The following MYOM2 variants were observed in gnomAD, a reference collection of about 807,000 sequenced individuals.
MYOM2 encodes the protein myomesin 2.
In MYOM2, 254 loss-of-function variants were observed where a neutral mutation model predicts 187.6. The observed-to-expected ratio is 1.35, with a 90% confidence interval of 1.22 to 1.50. The LOEUF is 1.50. Ranked by LOEUF, MYOM2 falls within the 40% of genes most tolerant of loss-of-function variation. The pLI, the probability that MYOM2 is intolerant of heterozygous loss-of-function variation, is 0.00. For synonymous variants in MYOM2, 981 were observed against 753.8 expected (o/e 1.30, Z -4.94); for missense variants, 2,796 against 1,924.0 (o/e 1.45, Z -8.48).
intron 32 of MYOM2, among the ~76,000 whole-genome samples, chr8:2,130,189 G>A (rs1002328363): frequency 7.1e-6 from 1 of 140,972 alleles, no homozygotes; most frequent in East Asian, 2.2e-4. Flanking sequence ...TACCCAGGGC[G>A]CCCACACCCC....
At chr8:2,142,897 A>G (rs934569161) in intron 35 of MYOM2, among the ~76,000 whole-genome samples, 11 of 151,620 alleles carry the variant, frequency 7.3e-5, no homozygotes, top group African/African-American at 2.2e-4. Flanking sequence ...CTGGGATTAC[A>G]GGCACCCGCC....
At chr8:2,115,656 C>T (rs1797214999) in intron 25 of MYOM2, among the ~76,000 whole-genome samples, 1 of 152,182 alleles carries the variant, frequency 6.6e-6, no homozygotes, top group African/African-American at 2.4e-5. Flanking sequence ...TTATTTTCTC[C>T]TGTGAATTTT....
intron 13 of MYOM2, 182 bp from the exon 14 acceptor site, chr8:2,085,081 G>A: frequency 1.5e-6 from 1 of 651,464 alleles, no homozygotes; most frequent in South Asian, 2.0e-5. Context: ...CTAACTGGCT[G>A]ATCTTTATTG....
chr8:2,083,190 A>G (rs538052229), intron 13 of MYOM2, among the ~76,000 whole-genome samples: 1 of 152,356 alleles, frequency 6.6e-6, no homozygotes, highest in South Asian at 2.1e-4. Flanking sequence ...GTGTTTATAT[A>G]TCTCTCACTG....
intron 2 of MYOM2, among the ~76,000 whole-genome samples, chr8:2,051,672 G>T (rs1433800426): frequency 6.6e-6 from 1 of 152,240 alleles, no homozygotes; most frequent in Non-Finnish European, 1.5e-5. Context: ...ATCCTGGCGT[G>T]GAGCCAGAAA....
chr8:2,057,647 A>G lies in MYOM2; in HGVS notation c.427A>G (p.Arg143Gly). ...GATGGAGGACAAGCTGGCCTGGGAG[A>G]GACACACATTTGAAGAGCGGATAAG... ...QMMEDKLAWE[R>G]HTFEERISRA... The change falls in exon 5 of 37, where the codon AGA becomes GGA. Residue 143 changes from arginine to glycine, a missense_variant. Arg to Gly is a moderately radical substitution (Grantham distance 125). Coordinates refer to ENST00000262113, the MANE Select transcript of MYOM2 (RefSeq NM_003970.4). 6.2e-7 allele frequency: 1 copy of G among 1,614,024 alleles called. No homozygotes were observed. The highest frequency in any genetic ancestry group is 1.3e-5 in the African/African-American group (1 of 74,996).
chr8:2,124,492 A>G (rs999206012), intron 31 of MYOM2, among the ~76,000 whole-genome samples: 19 of 152,240 alleles, frequency 1.2e-4, no homozygotes, highest in Admixed American at 1.2e-3. Flanking sequence ...GTTAATTGGC[A>G]TGACTGCTTT....
intron 2 of MYOM2, among the ~76,000 whole-genome samples, chr8:2,051,117 C>G (rs1309734471): frequency 6.6e-6 from 1 of 152,034 alleles, no homozygotes; most frequent in Non-Finnish European, 1.5e-5. Flanking sequence ...GGCAGGAAGT[C>G]CTTTGTATGA....
At chr8:2,112,925 C>T (rs762993770) in intron 25 of MYOM2, among the ~76,000 whole-genome samples, 2 of 152,214 alleles carry the variant, frequency 1.3e-5, no homozygotes, top group African/African-American at 2.4e-5. Context: ...GCTACGCCTG[C>T]CTCATTTGCC....
chr8:2,128,337 C>A (rs1387868307), intron 31 of MYOM2, among the ~76,000 whole-genome samples: 1 of 152,134 alleles, frequency 6.6e-6, no homozygotes, highest in African/African-American at 2.4e-5. Flanking sequence ...TTTAAAATGC[C>A]TCTTTGTTAC....
chr8:2,086,459 C>T lies in MYOM2; in HGVS notation c.1644+1069C>T, dbSNP rs1054024953. Among the ~76,000 whole-genome samples, 48 of 123,676 alleles carry T rather than the reference C, an allele frequency of 3.9e-4. 1 individual carries two copies. Among genetic ancestry groups the T allele is most frequent in the Admixed American group, 6.9e-4 (9 of 12,998 alleles). 81.1% of individuals were successfully genotyped at this position (123,676 alleles called of 152,430 possible). On this transcript the variant is annotated intron_variant, in intron 14 of 36. Coordinates refer to ENST00000262113, the MANE Select transcript of MYOM2 (RefSeq NM_003970.4). ...CGTGGCCCCCTACTGTCGTGATCTC[C>T]ACGTGGCCACACACTGTCATGATCT...
intron 13 of MYOM2, among the ~76,000 whole-genome samples, chr8:2,084,242 C>G (rs1043128566): frequency 1.3e-5 from 2 of 152,226 alleles, no homozygotes; most frequent in Non-Finnish European, 2.9e-5. Flanking sequence ...GACACACTGA[C>G]TCCTTGTGTG....
At chr8:2,123,390 AAAG>A in intron 29 of MYOM2, 25 bp downstream of exon 29, 3 of 1,560,530 alleles carry the variant, frequency 1.9e-6, no homozygotes, top group Non-Finnish European at 2.6e-6. Context: ...GTAACACAAG[AAAG>A]CAAAACAAAA....
Position 2,145,436 on chromosome 8 carries a change from C to A in MYOM2, c.*455C>A, listed in dbSNP as rs904272489. 1 of 191,630 alleles carries A rather than the reference C, an allele frequency of 5.2e-6. No homozygotes were observed. Among genetic ancestry groups the A allele is most frequent in the Admixed American group, 6.2e-5 (1 of 16,110 alleles). The allele number at this position is 191,630 out of a possible 1,614,324, so 11.9% of individuals were successfully genotyped here. A position where few individuals can be genotyped will look rare whatever the true frequency, so the allele number is the denominator to read the frequency against. ...TAAGCTTGTTTTCTCTTGCTTTAGG[C>A]AAATAAAAGTTTAAAAATCACCTTG... On this transcript the variant is annotated 3_prime_UTR_variant, in exon 37 of 37. Transcript: ENST00000262113.
chr8:2,091,650 T>A (rs1348003273), intron 15 of MYOM2, among the ~76,000 whole-genome samples: 1 of 152,226 alleles, frequency 6.6e-6, no homozygotes. Context: ...TCCTCAAGTT[T>A]CTATCTGGCT....
chr8:2,051,517 G>T (rs1440032485), intron 2 of MYOM2, among the ~76,000 whole-genome samples: 1 of 152,220 alleles, frequency 6.6e-6, no homozygotes, highest in Non-Finnish European at 1.5e-5. Flanking sequence ...CAGCCCAGGT[G>T]CCTGCCTCAT....
chr8:2,096,754 G>C (rs1253880869), intron 18 of MYOM2, among the ~76,000 whole-genome samples: 1 of 152,184 alleles, frequency 6.6e-6, no homozygotes, highest in East Asian at 1.9e-4. Flanking sequence ...CTTGAGGGCA[G>C]GGACGGAGTC....
In MYOM2 at chr8:2,102,743, C is replaced by T; in HGVS notation, c.2696C>T (p.Ser899Leu). Residue 899 changes from serine to leucine, a missense_variant, in exon 21 of 37, where the codon TCA becomes TTA. Coordinates refer to ENST00000262113, the MANE Select transcript of MYOM2 (RefSeq NM_003970.4). ...AVNANGVGKP[S>L]DTSEPVLVEA... is the part of the protein sequence containing the mutation. ...AATGCAAATGGCGTGGGGAAGCCCT[C>T]AGACACGTCGGAGCCTGTGCTGGTA... The T allele has an allele frequency of 6.2e-7, 1 of 1,614,078 alleles. No individual in the cohort carries two copies. Among genetic ancestry groups the T allele is most frequent in the Non-Finnish European group, 8.5e-7 (1 of 1,179,912 alleles).
intron 32 of MYOM2, among the ~76,000 whole-genome samples, chr8:2,134,643 C>T (rs1020656155): frequency 2.0e-5 from 3 of 152,134 alleles, no homozygotes; most frequent in African/African-American, 7.2e-5. Context: ...TGCATCTCCT[C>T]ATTCAGCTGC....
Sources: allele counts gnomAD v4.1 joint callset (sites outside exome capture counted in the v4.1 genomes callset), GRCh38; gene constraint gnomAD v4.1.1; transcripts MANE v1.5; gene names NCBI Gene and HGNC (gene_info 2026-07-23, HGNC 2026-07-21).